Variants in ZNF100 observed in about 807,000 individuals in gnomAD.
ZNF100 encodes zinc finger protein 100, also known as zinc finger protein 100 (Y1).
ZNF100 carries 12 observed loss-of-function variants against 15.8 expected under a neutral mutation model. The observed-to-expected ratio is 0.76, with a 90% CI of 0.49 to 1.23. The LOEUF is 1.23. Ranked by LOEUF, ZNF100 falls within the 50% of genes most tolerant of loss-of-function variation. The pLI is 0.00. For missense variants in ZNF100, 670 were observed against 635.6 expected (o/e 1.05, Z -0.58); for synonymous variants, 226 against 214.8 (o/e 1.05, Z -0.45).
intron 4 of ZNF100, among the ~76,000 whole-genome samples, chr19:21,735,530 A>G (rs1056244574): frequency 6.6e-6 from 1 of 150,918 alleles, no homozygotes; most frequent in Non-Finnish European, 1.5e-5. Context: ...AAGGCACAGA[A>G]TGGCAAGCTG....
intron 4 of ZNF100, among the ~76,000 whole-genome samples, chr19:21,735,545 A>G (rs1316131611): frequency 1.3e-5 from 2 of 151,926 alleles, no homozygotes; most frequent in Non-Finnish European, 2.9e-5. Flanking sequence ...AAGCTGGTTA[A>G]AGAGTCAACT....
chr19:21,767,549 T>C lies in ZNF100; in HGVS notation c.-120A>G, dbSNP rs1354995838. Reference sequence around the variant, plus strand: ...GACACAGAGAAGTGAGAGCAAAACCTGGAGCTCCGGCTACAGCGAGAGACA... The same window carrying C: ...GACACAGAGAAGTGAGAGCAAAACCCGGAGCTCCGGCTACAGCGAGAGACA... On this transcript the variant is annotated 5_prime_UTR_variant, in exon 1 of 5. Coordinates refer to ENST00000358296, the MANE Select transcript of ZNF100 (RefSeq NM_173531.4). The C allele has an allele frequency of 1.7e-5, 25 of 1,439,966 alleles. No individual in the cohort carries two copies. Among genetic ancestry groups the C allele is most frequent in the South Asian group, 1.7e-4 (13 of 76,978 alleles). 89.2% of individuals were successfully genotyped at this position (1,439,966 alleles called of 1,614,324 possible).
chr19:21,729,168 A>G (rs1487289992), intron 4 of ZNF100, among the ~76,000 whole-genome samples: 3 of 152,112 alleles, frequency 2.0e-5, no homozygotes, highest in Non-Finnish European at 4.4e-5. Flanking sequence ...TGAATTGTCA[A>G]TAAAAATTTT....
chr19:21,731,358 G>C (rs2145690507), intron 4 of ZNF100, among the ~76,000 whole-genome samples: 1 of 149,988 alleles, frequency 6.7e-6, no homozygotes, highest in East Asian at 2.0e-4. Flanking sequence ...GCCCAGGCTG[G>C]AGTGCAGTGG....
intron 4 of ZNF100, 39 bp from the exon 5 acceptor site, chr19:21,728,028 G>A (rs916008989): frequency 7.0e-7 from 1 of 1,433,498 alleles, no homozygotes; most frequent in Non-Finnish European, 9.1e-7. Flanking sequence ...TTACTTACTA[G>A]ACACAGATAG....
intron 2 of ZNF100, among the ~76,000 whole-genome samples, chr19:21,760,968 C>A (rs2036474990): frequency 6.6e-6 from 1 of 151,860 alleles, no homozygotes; most frequent in South Asian, 2.1e-4. Flanking sequence ...CCATGTTAGC[C>A]AGGATAGTCT....
At chr19:21,733,131 AT>A (rs1417183125) in intron 4 of ZNF100, among the ~76,000 whole-genome samples, 13 of 152,206 alleles carry the variant, frequency 8.5e-5, no homozygotes, top group Admixed American at 3.3e-4. Context: ...TATCAAAAAA[AT>A]GTATAAATAT....
In ZNF100 at chr19:21,726,746, A is replaced by G. The variant is rs371600049; in HGVS notation, c.1566T>C (p.Phe522=). The change falls in exon 5 of 5, where the codon TTT becomes TTC. Residue 522 remains phenylalanine (F), a synonymous_variant. Transcript: ENST00000358296. The stretch of plus-strand genomic sequence containing the variant: ...GTTTAATAAGGCTTAGGGACTGGTT[A>G]AAGTCTTTACCACATTCTTCCCATT... The part of the protein sequence containing the change: ...SYKWEECGKD[F]NQSLSLIKQN... 8.3e-5 allele frequency: 133 copies of G among 1,611,968 alleles called. No individual in the cohort carries two copies. In the African/African-American group the frequency reaches 1.6e-3, roughly 19 times the overall value.
intron 4 of ZNF100, among the ~76,000 whole-genome samples, chr19:21,737,080 C>A (rs2036020241): frequency 5.4e-5 from 8 of 149,428 alleles, no homozygotes; most frequent in Admixed American, 4.7e-4. Context: ...ACAAAAAAAA[C>A]CCTTCAAAAA....
chr19:21,767,491 A>G lies in ZNF100; in HGVS notation c.-62T>C. ...GGATCTCCCAATATCTGCAGGTCAG[A>G]GGGCCACACAGGCTAGGCCCCTAGG... is the stretch of plus-strand genomic sequence containing the variant. On this transcript the variant is annotated 5_prime_UTR_variant, in exon 1 of 5. Coordinates refer to ENST00000358296, the MANE Select transcript of ZNF100 (RefSeq NM_173531.4). The G allele has an allele frequency of 6.2e-7, 1 of 1,611,694 alleles. No homozygotes were observed. Among genetic ancestry groups the G allele is most frequent in the Non-Finnish European group, 8.5e-7 (1 of 1,178,272 alleles).
chr19:21,741,511 A>G (rs2036107369), intron 4 of ZNF100, among the ~76,000 whole-genome samples: 1 of 151,954 alleles, frequency 6.6e-6, no homozygotes, highest in Non-Finnish European at 1.5e-5. Flanking sequence ...AGTAGCTGGG[A>G]TTACAGGCAC....
chr19:21,746,107 A>C (rs1390535802), intron 2 of ZNF100, among the ~76,000 whole-genome samples: 1 of 152,240 alleles, frequency 6.6e-6, no homozygotes, highest in Non-Finnish European at 1.5e-5. Flanking sequence ...AATATCAGAG[A>C]GCTTTTTAAC....
In ZNF100 at chr19:21,725,652, T is replaced by G. The variant is rs1315235854; in HGVS notation, c.*1031A>C. The G allele has an allele frequency of 6.6e-6, 1 of 152,174 alleles. No homozygotes were observed. The highest frequency in any genetic ancestry group is 2.1e-4 in the South Asian group (1 of 4,836). 9.4% of individuals were successfully genotyped at this position (152,174 alleles called of 1,614,324 possible). A position where few individuals can be genotyped will look rare whatever the true frequency, so the allele number is the denominator to read the frequency against. On this transcript the variant is annotated 3_prime_UTR_variant, in exon 5 of 5. Transcript: ENST00000358296. ...GGCAGGAAATAATTTAAGAGTTGAATTACATTATTACTCACTTTTCAAAAA... is the reference window on the plus strand; with the variant it reads ...GGCAGGAAATAATTTAAGAGTTGAAGTACATTATTACTCACTTTTCAAAAA...
At chr19:21,766,909 T>C (rs1439907398) in intron 1 of ZNF100, among the ~76,000 whole-genome samples, 1 of 151,930 alleles carries the variant, frequency 6.6e-6, no homozygotes, top group African/African-American at 2.4e-5. Flanking sequence ...CAGGAGAATC[T>C]CCAGAACCCG....
intron 2 of ZNF100, among the ~76,000 whole-genome samples, chr19:21,764,219 C>T (rs189782449): frequency 2.6e-5 from 4 of 152,306 alleles, no homozygotes; most frequent in African/African-American, 9.6e-5. Flanking sequence ...TGGGACCAAG[C>T]TCTAATTTCC....
At chr19:21,763,578 G>C (rs2036514885) in intron 2 of ZNF100, among the ~76,000 whole-genome samples, 1 of 151,578 alleles carries the variant, frequency 6.6e-6, no homozygotes, top group Non-Finnish European at 1.5e-5. Flanking sequence ...GACAGAGTAA[G>C]ACTCCATCCC....
At chr19:21,750,027 T>A (rs2036275903) in intron 2 of ZNF100, among the ~76,000 whole-genome samples, 2 of 152,196 alleles carry the variant, frequency 1.3e-5, no homozygotes, top group Non-Finnish European at 2.9e-5. Context: ...TGGCACATTC[T>A]AAATAATATG....
intron 1 of ZNF100, 67 bp downstream of exon 1, chr19:21,767,360 G>A: frequency 6.2e-7 from 1 of 1,612,774 alleles, no homozygotes; most frequent in Non-Finnish European, 8.5e-7. Flanking sequence ...TCCCGCCACA[G>A]CTACTTCCCA....
Position 21,752,939 on chromosome 19 carries a change from C to G in ZNF100, c.97-7872G>C, listed in dbSNP as rs567069613. On this transcript the variant is annotated intron_variant, in intron 2 of 4. Coordinates refer to ENST00000358296, the MANE Select transcript of ZNF100 (RefSeq NM_173531.4). ...ACTGCAGCCTAGAACTTCCTGGCTT[C>G]GCGCCATCCTCTAGCCTCGGCCACA... The G allele has an allele frequency of 2.6e-5, 4 of 152,328 alleles. No individual in the cohort carries two copies. The South Asian group carries it at 8.3e-4, about 32-fold the overall frequency. 9.4% of individuals were successfully genotyped at this position (152,328 alleles called of 1,614,324 possible).
Sources: allele counts gnomAD v4.1 joint callset (sites outside exome capture counted in the v4.1 genomes callset), GRCh38; gene constraint gnomAD v4.1.1; transcripts MANE v1.5; gene names NCBI Gene and HGNC (gene_info 2026-07-23, HGNC 2026-07-21).